Variants in PHLDB2 observed in about 807,000 individuals in gnomAD.
The protein encoded by PHLDB2 is pleckstrin homology like domain family B member 2.
PHLDB2 carries 71 observed loss-of-function variants against 123.6 expected under a neutral mutation model. That is an observed-to-expected ratio of 0.57 (90% confidence interval 0.47 to 0.70). The LOEUF (loss-of-function observed/expected upper bound fraction) is 0.70. Among genes scored for constraint, PHLDB2 ranks in the 30% least tolerant of loss-of-function variants. The pLI is 0.00. For missense variants in PHLDB2, 1,446 were observed against 1,519.5 expected (o/e 0.95, Z 0.80); for synonymous variants, 547 against 541.6 (o/e 1.01, Z -0.14).
At chr3:111,838,347 G>A (rs2063513113) in intron 1 of PHLDB2, among the ~76,000 whole-genome samples, 1 of 152,056 alleles carries the variant, frequency 6.6e-6, no homozygotes, top group South Asian at 2.1e-4. Context: ...CTTGCCTCTG[G>A]CAACCTAGAA....
chr3:111,870,647 A>G (rs1165197273), intron 1 of PHLDB2, among the ~76,000 whole-genome samples: 1 of 151,650 alleles, frequency 6.6e-6, no homozygotes, highest in Non-Finnish European at 1.5e-5. Flanking sequence ...TTTTCCTTCA[A>G]TCCTCTGAAA....
chr3:111,974,325 A>C, intron 17 of PHLDB2, 98 bp from the exon 18 acceptor site: 2 of 1,166,896 alleles, frequency 1.7e-6, no homozygotes, highest in South Asian at 4.0e-5. Flanking sequence ...TAAATTTAAT[A>C]AATTGAAAAT....
At chr3:111,861,627 G>A (rs1160585733) in intron 1 of PHLDB2, among the ~76,000 whole-genome samples, 3 of 152,168 alleles carry the variant, frequency 2.0e-5, no homozygotes, top group Non-Finnish European at 4.4e-5. Flanking sequence ...CGTCTGCCAC[G>A]AGTGTCGCCT....
At chr3:111,883,716 C>T (rs2066043872) in intron 1 of PHLDB2, among the ~76,000 whole-genome samples, 1 of 152,200 alleles carries the variant, frequency 6.6e-6, no homozygotes, top group Non-Finnish European at 1.5e-5. Flanking sequence ...ATTAGCTAGT[C>T]ACTAGGGAAG....
intron 1 of PHLDB2, among the ~76,000 whole-genome samples, chr3:111,773,665 T>C (rs2060217778): frequency 6.6e-6 from 1 of 152,216 alleles, no homozygotes; most frequent in Non-Finnish European, 1.5e-5. Flanking sequence ...AGAGTGCCTG[T>C]ATGAGTAGGC....
At chr3:111,732,544 G>A (rs913224137) in exon 1 of PHLDB2, 5 of 1,335,830 alleles carry the variant, frequency 3.7e-6, no homozygotes, top group Admixed American at 2.0e-5. Flanking sequence ...GAAATGGAAA[G>A]GAACCTCACC....
At chr3:111,959,262 T>C (rs2071244339) in intron 12 of PHLDB2, among the ~76,000 whole-genome samples, 1 of 152,238 alleles carries the variant, frequency 6.6e-6, no homozygotes, top group Non-Finnish European at 1.5e-5. Context: ...CATGCCCGTA[T>C]TGATAATTGC....
At chr3:111,787,798 A>G (rs2060754399) in intron 1 of PHLDB2, among the ~76,000 whole-genome samples, 1 of 152,154 alleles carries the variant, frequency 6.6e-6, no homozygotes, top group South Asian at 2.1e-4. Context: ...TACCCAATCT[A>G]TTCTGGGGTG....
chr3:111,835,532 C>T (rs2063357017), intron 1 of PHLDB2, among the ~76,000 whole-genome samples: 1 of 152,176 alleles, frequency 6.6e-6, no homozygotes, highest in African/African-American at 2.4e-5. Flanking sequence ...TGGTAGGCAC[C>T]TGTTCCCACT....
chr3:111,911,520 C>T (rs1302557293), intron 2 of PHLDB2: 1 of 1,070,030 alleles, frequency 9.3e-7, no homozygotes, highest in Non-Finnish European at 1.4e-6. Flanking sequence ...GCTATGTCCC[C>T]CCTGCTTCCT....
At chr3:111,859,894 G>A in intron 1 of PHLDB2, 1 of 985,720 alleles carries the variant, frequency 1.0e-6, no homozygotes, top group Non-Finnish European at 1.2e-6. Flanking sequence ...TGGGCTCCGG[G>A]GACACAGAGT....
chr3:111,865,262 A>G (rs188351598), intron 1 of PHLDB2, among the ~76,000 whole-genome samples: 227 of 152,318 alleles, frequency 1.5e-3, no homozygotes, highest in Middle Eastern at 6.8e-3. Flanking sequence ...AACCTTTCTT[A>G]TACATCATGC....
intron 1 of PHLDB2, among the ~76,000 whole-genome samples, chr3:111,881,985 C>A (rs1173662571): frequency 6.6e-6 from 1 of 151,944 alleles, no homozygotes; most frequent in African/African-American, 2.4e-5. Context: ...TGTGTATAAT[C>A]CATGTGTATG....
chr3:111,790,793 T>C (rs1182274415), intron 1 of PHLDB2, among the ~76,000 whole-genome samples: 2 of 152,196 alleles, frequency 1.3e-5, no homozygotes, highest in African/African-American at 4.8e-5. Flanking sequence ...TTTTTAAAAA[T>C]ACATGATTAT....
chr3:111,941,595 C>T (rs1185900202), intron 8 of PHLDB2, among the ~76,000 whole-genome samples: 1 of 152,102 alleles, frequency 6.6e-6, no homozygotes, highest in South Asian at 2.1e-4. Flanking sequence ...TCACTTGAGG[C>T]CAGGAGTTCA....
At chr3:111,808,128 A>G (rs890112758) in intron 1 of PHLDB2, among the ~76,000 whole-genome samples, 5 of 152,270 alleles carry the variant, frequency 3.3e-5, no homozygotes, top group Middle Eastern at 6.8e-3. Context: ...TTCTCCTGGC[A>G]ATATTAATGT....
chr3:111,904,585 G>A (rs2067405518), intron 2 of PHLDB2, among the ~76,000 whole-genome samples: 1 of 152,166 alleles, frequency 6.6e-6, no homozygotes, highest in Non-Finnish European at 1.5e-5. Flanking sequence ...GGGAGTTTGG[G>A]TGTGGTGGGT....
At chr3:111,952,937 C>G (rs2070803488) in intron 11 of PHLDB2, among the ~76,000 whole-genome samples, 1 of 152,204 alleles carries the variant, frequency 6.6e-6, no homozygotes, top group South Asian at 2.1e-4. Context: ...TCTACCAGCA[C>G]AACCCAGGCG....
intron 9 of PHLDB2, among the ~76,000 whole-genome samples, chr3:111,947,572 T>A (rs922353788): frequency 6.6e-6 from 1 of 152,242 alleles, no homozygotes; most frequent in South Asian, 2.1e-4. Flanking sequence ...TTAAATTGTA[T>A]GGTTTATGAC....
Sources: allele counts gnomAD v4.1 joint callset (sites outside exome capture counted in the v4.1 genomes callset), GRCh38; gene constraint gnomAD v4.1.1; transcripts MANE v1.5; gene names NCBI Gene and HGNC (gene_info 2026-07-23, HGNC 2026-07-21).